HDGFL2: variants seen among roughly 807,000 people sequenced by gnomAD.
The protein encoded by HDGFL2 is hepatoma-derived growth factor-related protein 2.
Under a neutral mutation model 77.1 loss-of-function variants are expected in HDGFL2, and 36 were observed. That is an observed-to-expected ratio of 0.47 (90% CI 0.36 to 0.62). The LOEUF is 0.62. Among genes scored for constraint, HDGFL2 ranks in the 20% least tolerant of loss-of-function variants. HDGFL2 has a pLI of 0.00. For synonymous variants in HDGFL2, 463 were observed against 413.1 expected, an observed-to-expected ratio of 1.12 and a Z score of -1.46; for missense variants, 976 against 973.4, an observed-to-expected ratio of 1.00 and a Z score of -0.04.
chr19:4,497,199 T>G (rs747319645), intron 10 of HDGFL2: 21 of 430,772 alleles, frequency 4.9e-5, no homozygotes, highest in Admixed American at 2.5e-5. Context: ...TTTTTGTTTT[T>G]GTTTTTTTTT....
In HDGFL2 at chr19:4,501,965, C is replaced by G. The variant is rs755918966; in HGVS notation, c.1971C>G (p.Arg657=). The G allele has an allele frequency of 2.7e-6, 4 of 1,506,110 alleles. No homozygotes were observed. In the South Asian group the frequency reaches 3.8e-5, roughly 14 times the overall value. 93.3% of individuals were successfully genotyped at this position (1,506,110 alleles called of 1,614,324 possible). A position where few individuals can be genotyped will look rare whatever the true frequency, so the allele number is the denominator to read the frequency against. Residue 657 remains arginine, a synonymous_variant, in exon 16 of 16, where the codon CGC becomes CGG. Transcript: ENST00000616600. ...GGCCTGGGAGCGACCGGCAGGAGCG[C>G]GAGAGGGCACGGGGGGACTCGGAGG... The part of the protein sequence containing the change: ...LDRPGSDRQE[R]ERARGDSEAL...
chr19:4,477,473 T>C (rs996789364), intron 3 of HDGFL2, among the ~76,000 whole-genome samples: 3 of 152,192 alleles, frequency 2.0e-5, no homozygotes, highest in African/African-American at 7.2e-5. Context: ...CCTCACGCTG[T>C]GCCTGTCCCC....
chr19:4,500,538 G>A (rs1282685404), intron 14 of HDGFL2, among the ~76,000 whole-genome samples: 4 of 147,414 alleles, frequency 2.7e-5, no homozygotes, highest in Non-Finnish European at 5.9e-5. Context: ...TTGGCTCACT[G>A]CAAGCTCCGC....
chr19:4,483,623 T>TCCTGGC (rs1975279808), intron 3 of HDGFL2, among the ~76,000 whole-genome samples: 1 of 151,962 alleles, frequency 6.6e-6, no homozygotes, highest in South Asian at 2.1e-4. Context: ...TGCCTGTCCT[T>TCCTGGC]CCTGGCCTCG....
At chr19:4,481,636 T>A (rs1375144717) in intron 3 of HDGFL2, among the ~76,000 whole-genome samples, 1 of 151,952 alleles carries the variant, frequency 6.6e-6, no homozygotes, top group Admixed American at 6.6e-5. Flanking sequence ...AATTTTTGTA[T>A]TTTTTAGTAG....
intron 10 of HDGFL2, 117 bp from the exon 11 acceptor site, chr19:4,497,841 C>T: frequency 1.1e-6 from 1 of 901,878 alleles, no homozygotes; most frequent in South Asian, 1.7e-5. Flanking sequence ...GGCTTAGCTC[C>T]CAGGGCCTCC....
chr19:4,498,805 A>G lies in HDGFL2; in HGVS notation c.1474-9A>G. 1 of 1,594,212 alleles carries G rather than the reference A, an allele frequency of 6.3e-7. No individual in the cohort carries two copies. The highest frequency in any genetic ancestry group is 8.6e-7 in the Non-Finnish European group (1 of 1,168,372). On this transcript the variant is annotated splice_polypyrimidine_tract_variant and intron_variant, in intron 12 of 15. Coordinates refer to ENST00000616600, the MANE Select transcript of HDGFL2 (RefSeq NM_001001520.3). Reference sequence around the variant, plus strand: ...AGGCCGTCTCCCTCACTCCCACCCCACCCTGCAGGACGTGAAGAGGTGCCT... The same window carrying G: ...AGGCCGTCTCCCTCACTCCCACCCCGCCCTGCAGGACGTGAAGAGGTGCCT...
chr19:4,485,796 C>T (rs987453041), intron 3 of HDGFL2, among the ~76,000 whole-genome samples: 1 of 145,290 alleles, frequency 6.9e-6, no homozygotes, highest in African/African-American at 2.6e-5. Flanking sequence ...CCTGTAATCC[C>T]AGCAGCTTGG....
intron 4 of HDGFL2, among the ~76,000 whole-genome samples, chr19:4,491,250 C>T (rs1340813572): frequency 2.6e-5 from 1 of 38,768 alleles, no homozygotes; most frequent in East Asian, 7.2e-4. Context: ...ACTCCCACCA[C>T]CCACCCCCCC....
chr19:4,500,203 A>G (rs1391873373), intron 14 of HDGFL2, among the ~76,000 whole-genome samples: 1 of 152,166 alleles, frequency 6.6e-6, no homozygotes, highest in Admixed American at 6.5e-5. Context: ...AGGTGCTCAG[A>G]GCAGCCCTTT....
At chr19:4,498,442 A>G in intron 12 of HDGFL2, 66 bp downstream of exon 12, 4 of 1,338,176 alleles carry the variant, frequency 3.0e-6, no homozygotes, top group Non-Finnish European at 4.3e-6. Context: ...GCTCCCTTAG[A>G]TGTCTCGGGA....
intron 6 of HDGFL2, 43 bp downstream of exon 6, chr19:4,491,878 C>A: frequency 6.5e-7 from 1 of 1,549,712 alleles, no homozygotes; most frequent in Non-Finnish European, 8.9e-7. Flanking sequence ...ACTCGTGGGG[C>A]ACCTCTGCGG....
chr19:4,484,157 C>G (rs914460198), intron 3 of HDGFL2, among the ~76,000 whole-genome samples: 1 of 145,954 alleles, frequency 6.9e-6, no homozygotes, highest in African/African-American at 2.6e-5. Context: ...GATTTCAGCT[C>G]ACTGCAATCT....
intron 6 of HDGFL2, among the ~76,000 whole-genome samples, chr19:4,492,405 T>G (rs1418303005): frequency 1.3e-5 from 2 of 151,766 alleles, no homozygotes; most frequent in Non-Finnish European, 2.9e-5. Flanking sequence ...GTGCTGTACC[T>G]CTCCTCTGCG....
intron 1 of HDGFL2, 104 bp from the exon 2 acceptor site, chr19:4,475,171 C>A: frequency 2.2e-6 from 2 of 910,076 alleles, no homozygotes; most frequent in Non-Finnish European, 1.7e-6. Context: ...GGGTTGAAGG[C>A]TCCCCTCCTC....
chr19:4,491,547 C>T lies in HDGFL2; in HGVS notation c.490-19C>T. On this transcript the variant is annotated intron_variant, in intron 4 of 15. Coordinates refer to ENST00000616600, the MANE Select transcript of HDGFL2 (RefSeq NM_001001520.3). ...CCCGGCCTTCCCATCACTGAGCATT[C>T]AGGCCGTTCCCCTTCCAGATGTCGG... is the stretch of plus-strand genomic sequence containing the variant. 6.2e-7 allele frequency: 1 copy of T among 1,609,086 alleles called. No homozygotes were observed.
intron 15 of HDGFL2, 33 bp downstream of exon 15, chr19:4,501,350 T>TG: frequency 6.4e-7 from 1 of 1,554,780 alleles, no homozygotes; most frequent in Non-Finnish European, 8.7e-7. Context: ...TTTGGACTCC[T>TG]GAGCGGCAGC....
At chr19:4,474,393 G>T (rs762328107) in intron 1 of HDGFL2, among the ~76,000 whole-genome samples, 1 of 152,156 alleles carries the variant, frequency 6.6e-6, no homozygotes, top group Non-Finnish European at 1.5e-5. Flanking sequence ...CTTCTGGCGG[G>T]AGAGGGATGC....
rs140900328 is a variant in HDGFL2, at chr19:4,501,890, C to T, written c.1917-21C>T. 160 of 1,426,554 alleles carry T rather than the reference C, an allele frequency of 1.1e-4. 1 individual carries two copies. Among genetic ancestry groups the T allele is most frequent in the Middle Eastern group, 7.8e-4 (3 of 3,868 alleles). The allele number at this position is 1,426,554 out of a possible 1,614,324, so 88.4% of individuals were successfully genotyped here. On this transcript the variant is annotated intron_variant, in intron 15 of 15. Coordinates refer to ENST00000616600, the MANE Select transcript of HDGFL2 (RefSeq NM_001001520.3). Reference sequence around the variant, plus strand: ...CAGGGGCGGGAGGGCATCCTCACACCGCCTTTGCTGTTCCCACCAGCAGCG... The same window carrying T: ...CAGGGGCGGGAGGGCATCCTCACACTGCCTTTGCTGTTCCCACCAGCAGCG...
Sources: gnomAD v4.1 joint callset for allele counts (sites outside exome capture counted in the v4.1 genomes callset) on GRCh38, gnomAD v4.1.1 for gene constraint, MANE v1.5 for transcripts, NCBI Gene and HGNC (gene_info 2026-07-23, HGNC 2026-07-21) for gene names.